The following ASS1 variants were observed in gnomAD, a reference collection of about 807,000 sequenced individuals.
ASS1 encodes the protein argininosuccinate synthase 1.
ASS1 carries 58 observed loss-of-function variants against 60.5 expected under a neutral mutation model. That is an observed-to-expected ratio of 0.96 (90% confidence interval 0.78 to 1.19). The LOEUF is 1.19. Among genes scored for constraint, ASS1 ranks in the 50% most tolerant of loss-of-function variants. ASS1 has a pLI of 0.00. For synonymous variants in ASS1, 200 were observed against 206.9 expected, an observed-to-expected ratio of 0.97 and a Z score of 0.29; for missense variants, 454 against 547.3, an observed-to-expected ratio of 0.83 and a Z score of 1.70.
intron 11 of ASS1, among the ~76,000 whole-genome samples, chr9:130,481,649 A>G (rs1456856660): frequency 1.3e-5 from 2 of 152,104 alleles, no homozygotes; most frequent in Non-Finnish European, 2.9e-5. Context: ...CAGTTTCCCC[A>G]AGTGTAATGC....
chr9:130,470,855 G>C lies in ASS1; in HGVS notation c.517G>C (p.Val173Leu), dbSNP rs911748539. The part of the protein sequence containing the change: ...YAKQHGIPIP[V>L]TPKNPWSMDE... The stretch of plus-strand genomic sequence containing the variant: ...GCAGCAACACGGGATTCCCATCCCG[G>C]TCACTCCCAAGAACCCGTGGAGCAT... Residue 173 changes from valine (V) to leucine (L), a missense_variant, in exon 7 of 15, where the codon GTC (valine) becomes CTC (leucine). Val to Leu is a conservative substitution (Grantham distance 32). Coordinates refer to ENST00000352480, the MANE Select transcript of ASS1 (RefSeq NM_054012.4). This position sits in a 1 kb window ranked among gnomAD's most constrained non-coding sequence, Gnocchi z 4.3. 1 of 1,614,094 alleles carries C rather than the reference G, an allele frequency of 6.2e-7. No homozygotes were observed.
chr9:130,458,575 G>A lies in ASS1; in HGVS notation c.349G>A (p.Gly117Ser), dbSNP rs770944877. 2.7e-5 allele frequency: 43 copies of A among 1,612,654 alleles called. No homozygotes were observed. Among genetic ancestry groups the A allele is most frequent in the Non-Finnish European group, 3.2e-5 (38 of 1,179,810 alleles). ...QREGAKYVSH[G>S]ATGKGNDQVR... ...GGAGGGGGCCAAGTATGTGTCCCAC[G>A]GCGCCACAGGAAAGGTGAGGCACCT... Residue 117 changes from glycine (G) to serine (S), a missense_variant, in exon 4 of 15, where the codon GGC (glycine) becomes AGC (serine). Transcript: ENST00000352480.
chr9:130,471,354 T>G, intron 7 of ASS1, 131 bp from the exon 8 acceptor site: 1 of 1,145,516 alleles, frequency 8.7e-7, no homozygotes, highest in Non-Finnish European at 1.3e-6. Flanking sequence ...TCAGGCAGGT[T>G]GGCAGCAGAT....
Position 130,489,825 on chromosome 9 carries a change from C to T in ASS1, c.970+361C>T, listed in dbSNP as rs1278323074. 6.6e-6 allele frequency among the ~76,000 whole-genome samples: 1 copy of T among 152,242 alleles called. No homozygotes were observed. The highest frequency in any genetic ancestry group is 6.5e-5 in the Admixed American group (1 of 15,288). Reference sequence around the variant, plus strand: ...CCCCGCATGGTCCTCACAACTTTCCCAGGAGGTCTGCAGCTCCTTGTACAC... The same window carrying T: ...CCCCGCATGGTCCTCACAACTTTCCTAGGAGGTCTGCAGCTCCTTGTACAC... On this transcript the variant is annotated intron_variant, in intron 12 of 14. Transcript: ENST00000352480. This position sits in a 1 kb window ranked among gnomAD's most constrained non-coding sequence, Gnocchi z 4.1.
At chr9:130,480,721 G>T (rs1846150561) in intron 11 of ASS1, among the ~76,000 whole-genome samples, 1 of 152,192 alleles carries the variant, frequency 6.6e-6, no homozygotes, top group Non-Finnish European at 1.5e-5. Context: ...GGAGCAGGGA[G>T]GCCAGGGCCA....
rs367769204 is a variant in ASS1, at chr9:130,480,463, G to A, written c.838+14G>A. On this transcript the variant is annotated intron_variant, in intron 11 of 14. Coordinates refer to ENST00000352480, the MANE Select transcript of ASS1 (RefSeq NM_054012.4). Reference sequence around the variant, plus strand: ...TGAAGTCCCGAGGTGAGTCTGCTCAGCCTCCCTCAGGGCCTGCCTCGGGAC... The same window carrying A: ...TGAAGTCCCGAGGTGAGTCTGCTCAACCTCCCTCAGGGCCTGCCTCGGGAC... The A allele has an allele frequency of 1.1e-5, 18 of 1,613,548 alleles. No homozygotes were observed. The highest frequency in any genetic ancestry group is 1.7e-5 in the Admixed American group (1 of 59,986).
chr9:130,474,635 T>C (rs564841186), intron 8 of ASS1, among the ~76,000 whole-genome samples: 2 of 152,180 alleles, frequency 1.3e-5, no homozygotes, highest in Non-Finnish European at 2.9e-5. Flanking sequence ...GGATGAGCCT[T>C]GGGACCCGTC....
intron 2 of ASS1, 150 bp downstream of exon 2, chr9:130,452,483 G>A: frequency 2.7e-6 from 2 of 752,540 alleles, no homozygotes; most frequent in East Asian, 2.7e-5. Flanking sequence ...TCTTGAACTG[G>A]AACTAGGAAA....
chr9:130,481,570 C>T (rs1045911725), intron 11 of ASS1, among the ~76,000 whole-genome samples: 2 of 152,200 alleles, frequency 1.3e-5, no homozygotes, highest in African/African-American at 4.8e-5. Flanking sequence ...GGGCAGGATG[C>T]CTGCTTCTGG....
At chr9:130,480,770 G>A (rs1846152272) in intron 11 of ASS1, among the ~76,000 whole-genome samples, 1 of 152,214 alleles carries the variant, frequency 6.6e-6, no homozygotes, top group Non-Finnish European at 1.5e-5. Flanking sequence ...GGGGTGGGCA[G>A]GCCGGGTGTG....
chr9:130,466,028 C>T (rs886455120), intron 5 of ASS1, among the ~76,000 whole-genome samples: 2 of 152,210 alleles, frequency 1.3e-5, no homozygotes, highest in Non-Finnish European at 2.9e-5. Context: ...CTCTGAGGGG[C>T]TGAGGAGGTG....
chr9:130,471,416 G>A, intron 7 of ASS1, 69 bp from the exon 8 acceptor site: 1 of 1,566,032 alleles, frequency 6.4e-7, no homozygotes, highest in South Asian at 1.1e-5. Context: ...AATGGGGTGT[G>A]TGTGTTGGGG....
intron 2 of ASS1, among the ~76,000 whole-genome samples, chr9:130,453,314 G>A (rs1845367289): frequency 6.6e-6 from 1 of 152,270 alleles, no homozygotes; most frequent in African/African-American, 2.4e-5. Flanking sequence ...CAGGAAAGAA[G>A]GTTCTGTTTC....
chr9:130,446,135 G>C (rs987092522), intron 1 of ASS1, among the ~76,000 whole-genome samples: 3 of 152,160 alleles, frequency 2.0e-5, no homozygotes, highest in African/African-American at 7.2e-5. Context: ...TTACAGGCTC[G>C]AGCCACCCAA....
At chr9:130,498,579 G>A (rs750297121) in intron 13 of ASS1, among the ~76,000 whole-genome samples, 2 of 152,232 alleles carry the variant, frequency 1.3e-5, no homozygotes, top group Non-Finnish European at 2.9e-5. Context: ...ATGAATGAGT[G>A]AATGAATACT....
chr9:130,473,096 G>A (rs1322388615), intron 8 of ASS1, among the ~76,000 whole-genome samples: 3 of 152,198 alleles, frequency 2.0e-5, no homozygotes, highest in Non-Finnish European at 2.9e-5. Context: ...GGGTGGAGAA[G>A]TCAGTACTAA....
At chr9:130,471,412 G>A (rs1387151786) in intron 7 of ASS1, 73 bp from the exon 8 acceptor site, 2 of 1,548,972 alleles carry the variant, frequency 1.3e-6, no homozygotes, top group African/African-American at 2.7e-5. Context: ...GCACAATGGG[G>A]TGTGTGTGTT....
intron 12 of ASS1, among the ~76,000 whole-genome samples, chr9:130,490,145 G>T (rs1846414984): frequency 6.6e-6 from 1 of 152,230 alleles, no homozygotes; most frequent in African/African-American, 2.4e-5. Context: ...CAGGTGAGGA[G>T]CCCGGGTTTC....
chr9:130,460,320 C>T (rs991734595), intron 4 of ASS1, among the ~76,000 whole-genome samples: 2 of 152,232 alleles, frequency 1.3e-5, no homozygotes, highest in Admixed American at 1.3e-4. Flanking sequence ...CATTTCTTCA[C>T]CGGAGCACTG....
Sources: gnomAD v4.1 joint callset for allele counts (sites outside exome capture counted in the v4.1 genomes callset) on GRCh38, gnomAD v4.1.1 for gene constraint, Gnocchi (gnomAD v3.1) non-coding constraint, MANE v1.5 for transcripts, NCBI Gene and HGNC (gene_info 2026-07-23, HGNC 2026-07-21) for gene names.